FYCO1: variants seen among roughly 807,000 people sequenced by gnomAD.
FYCO1 encodes FYVE and coiled-coil domain-containing protein 1.
In FYCO1, 122 loss-of-function variants were observed where a neutral mutation model predicts 165.1. That is an observed-to-expected ratio of 0.74 (90% CI 0.64 to 0.86). FYCO1 has a LOEUF of 0.86. Ranked by LOEUF, FYCO1 falls within the 40% of genes least tolerant of loss-of-function variation. FYCO1 has a pLI of 0.00. For synonymous variants in FYCO1, 648 were observed against 742.5 expected (o/e 0.87, Z 2.07); for missense variants, 1,702 against 1,810.3 (o/e 0.94, Z 1.09).
chr3:45,976,527 C>G (rs1706769720), intron 4 of FYCO1, among the ~76,000 whole-genome samples: 1 of 152,184 alleles, frequency 6.6e-6, no homozygotes, highest in Admixed American at 6.5e-5. Context: ...GGCTCTGGCT[C>G]TGGGTAGGGT....
At chr3:45,955,480 G>C (rs923395478) in intron 13 of FYCO1, 87 bp from the exon 14 acceptor site, 52 of 1,413,076 alleles carry the variant, frequency 3.7e-5, no homozygotes, top group Non-Finnish European at 5.0e-5. Flanking sequence ...AAGTGAGAGA[G>C]TGCAGCTATG....
chr3:45,975,719 A>G (rs1706719894), intron 4 of FYCO1, among the ~76,000 whole-genome samples: 1 of 152,220 alleles, frequency 6.6e-6, no homozygotes, highest in Non-Finnish European at 1.5e-5. Flanking sequence ...ACTCAGTTTT[A>G]TATTAGAGTA....
rs754786834 is a variant in FYCO1 at position 45,967,234 on chromosome 3, G to A, written c.2100C>T (p.Ala700=). 1.9e-6 allele frequency: 3 copies of A among 1,614,082 alleles called. No homozygotes were observed. The South Asian group carries it at 3.3e-5, about 18-fold the overall frequency. ...ACTCGCCCTCCTTGCTCTGTAGAAT[G>A]GCCTCCTTCTCTGCCATCTGGGCTT... is the stretch of plus-strand genomic sequence containing the variant. ...AMKAQMAEKE[A]ILQSKEGECQ... Residue 700 remains alanine, a synonymous_variant, in exon 8 of 18, where the codon GCC becomes GCT. Transcript: ENST00000296137.
intron 14 of FYCO1, among the ~76,000 whole-genome samples, chr3:45,949,429 G>C (rs2125826833): frequency 6.6e-6 from 1 of 152,360 alleles, no homozygotes; most frequent in Admixed American, 6.5e-5. Flanking sequence ...GGCAGAAGTA[G>C]AGTCAGGAGA....
intron 6 of FYCO1, among the ~76,000 whole-genome samples, chr3:45,970,848 CAT>C: frequency 6.6e-6 from 1 of 152,044 alleles, no homozygotes; most frequent in African/African-American, 2.4e-5. Flanking sequence ...CATGATTCAA[CAT>C]GTGTAAAATT....
At chr3:45,992,309 G>C (rs891924643) in intron 1 of FYCO1, among the ~76,000 whole-genome samples, 1 of 152,182 alleles carries the variant, frequency 6.6e-6, no homozygotes, top group Middle Eastern at 3.2e-3. Context: ...CAGTGCCAGC[G>C]TAGGTGCAGA....
Position 45,921,608 on chromosome 3 carries a change from G to A in FYCO1, c.*157C>T. ...CTAAGAGTGGCCGGTGCAGAGTGCTGAGCACAAAGTCCTCCCCAGACACCG... is the reference window on the plus strand; with the variant it reads ...CTAAGAGTGGCCGGTGCAGAGTGCTAAGCACAAAGTCCTCCCCAGACACCG... On this transcript the variant is annotated 3_prime_UTR_variant, in exon 18 of 18. Transcript: ENST00000296137. The A allele has an allele frequency of 5.9e-6, 4 of 677,988 alleles. No homozygotes were observed. The highest frequency in any genetic ancestry group is 2.1e-5 in the Admixed American group (1 of 48,580). 42.0% of individuals were successfully genotyped at this position (677,988 alleles called of 1,614,324 possible). A position where few individuals can be genotyped will look rare whatever the true frequency, so the allele number is the denominator to read the frequency against.
chr3:45,968,579 C>T lies in FYCO1; in HGVS notation c.755G>A (p.Arg252His), dbSNP rs199708461. The T allele has an allele frequency of 6.2e-6, 10 of 1,613,896 alleles. No individual in the cohort carries two copies. The highest frequency in any genetic ancestry group is 4.0e-5 in the African/African-American group (3 of 75,054). ...GTTCTCTCTGTCCAGCTGCTGCATG[C>T]GCTCCCGTAGCTGCTTCTCCCGCAC... ...LEVREKQLRE[R>H]MQQLDRENQE... The change falls in exon 8 of 18, where the codon CGC (arginine) becomes CAC (histidine). Residue 252 changes from arginine (R) to histidine (H), a missense_variant. Physicochemically the swap from Arg to His is conservative, Grantham distance 29. Transcript: ENST00000296137.
At chr3:45,973,018 C>A in intron 6 of FYCO1, 70 bp downstream of exon 6, 1 of 1,549,336 alleles carries the variant, frequency 6.5e-7, no homozygotes, top group Non-Finnish European at 8.9e-7. Context: ...TTTGAGTAGA[C>A]TGGTGGCAAT....
At chr3:45,972,775 C>T (rs190772059) in intron 6 of FYCO1, among the ~76,000 whole-genome samples, 99 of 152,246 alleles carry the variant, frequency 6.5e-4, no homozygotes, top group Admixed American at 2.0e-3. Context: ...AGAACAGGCA[C>T]GGGAAAAAGC....
In FYCO1 at chr3:45,966,470, T is replaced by C. The variant is rs777484869; in HGVS notation, c.2864A>G (p.Gln955Arg). Reference sequence around the variant, plus strand: ...CTCCTGCAAGCTCTCCTTCTCTTGCTGCAGCCCAGCTACTTGGCGCTCCAG... The same window carrying C: ...CTCCTGCAAGCTCTCCTTCTCTTGCCGCAGCCCAGCTACTTGGCGCTCCAG... Reference protein sequence around the residue: ...EGLERQVAGLQQEKESLQEKL... With the variant: ...EGLERQVAGLRQEKESLQEKL... Residue 955 changes from glutamine to arginine, a missense_variant, in exon 8 of 18, where the codon CAG becomes CGG. By Grantham distance (43) the Gln-to-Arg change is conservative. Coordinates refer to ENST00000296137, the MANE Select transcript of FYCO1 (RefSeq NM_024513.4). The C allele has an allele frequency of 6.2e-6, 10 of 1,610,470 alleles. No individual in the cohort carries two copies. In the Admixed American group the frequency reaches 1.7e-4, roughly 27 times the overall value.
chr3:45,976,852 G>A (rs13066062), intron 4 of FYCO1, among the ~76,000 whole-genome samples: 13,503 of 152,140 alleles, frequency 0.089, 994 homozygotes, highest in South Asian at 0.34. Context: ...AAAACAAAAA[G>A]GTGTTAACTC....
At chr3:45,985,584 C>T (rs1163036641) in intron 1 of FYCO1, among the ~76,000 whole-genome samples, 4 of 152,238 alleles carry the variant, frequency 2.6e-5, no homozygotes, top group East Asian at 1.9e-4. Context: ...GGGTCCCCTT[C>T]GTCGTGAGGC....
chr3:45,988,020 G>A (rs1481452628), intron 1 of FYCO1, among the ~76,000 whole-genome samples: 2 of 152,188 alleles, frequency 1.3e-5, no homozygotes, highest in Admixed American at 1.3e-4. Context: ...CTCTTGGCTG[G>A]TGTCAAGTTC....
chr3:45,964,514 A>G lies in FYCO1; in HGVS notation c.3151-60T>C, dbSNP rs1705882196. 2 of 1,607,998 alleles carry G rather than the reference A, an allele frequency of 1.2e-6. No individual in the cohort carries two copies. The highest frequency in any genetic ancestry group is 1.7e-6 in the Non-Finnish European group (2 of 1,177,544). ...TGCAGAAGGCCATGCAACGTACCAT[A>G]AAGTGGCTGGTGTGCCATCCACCCC... On this transcript the variant is annotated intron_variant, in intron 9 of 17. Coordinates refer to ENST00000296137, the MANE Select transcript of FYCO1 (RefSeq NM_024513.4). The surrounding 1 kb of genome is among the most constrained non-coding windows in gnomAD (Gnocchi z 4.1).
intron 1 of FYCO1, among the ~76,000 whole-genome samples, chr3:45,990,110 T>A (rs753267110): frequency 6.6e-6 from 1 of 152,196 alleles, no homozygotes; most frequent in Non-Finnish European, 1.5e-5. Context: ...CTGACCGAAG[T>A]GTCAGGGGGT....
chr3:45,974,077 T>C (rs71325101), intron 5 of FYCO1, among the ~76,000 whole-genome samples: 14,202 of 151,922 alleles, frequency 0.093, 1,020 homozygotes, highest in South Asian at 0.34. Flanking sequence ...ACCCCAACCC[T>C]TGCCCAAAAT....
At chr3:45,979,855 A>G in intron 3 of FYCO1, 25 bp from the exon 4 acceptor site, 2 of 1,613,162 alleles carry the variant, frequency 1.2e-6, no homozygotes, top group Middle Eastern at 1.7e-4. Context: ...GGAAAGGGAG[A>G]GGAGGTCCAA....
At chr3:45,986,666 C>T (rs573691328) in intron 1 of FYCO1, among the ~76,000 whole-genome samples, 3 of 152,240 alleles carry the variant, frequency 2.0e-5, no homozygotes, top group Non-Finnish European at 2.9e-5. Flanking sequence ...CCACAGAGAA[C>T]CCCCCAAACC....
Sources: gnomAD v4.1 joint callset for allele counts (sites outside exome capture counted in the v4.1 genomes callset) on GRCh38, gnomAD v4.1.1 for gene constraint, Gnocchi (gnomAD v3.1) non-coding constraint, MANE v1.5 for transcripts, NCBI Gene and HGNC (gene_info 2026-07-23, HGNC 2026-07-21) for gene names.